Variants in MAPDA observed in about 807,000 individuals in gnomAD.
MAPDA encodes N6,N6-dimethyl-AMP deaminase.
At chr15:43,342,449 A>T in the MAPDA span, among the ~76,000 whole-genome samples, 2 of 148,468 alleles carry the variant, frequency 1.3e-5, no homozygotes, top group Non-Finnish European at 1.5e-5. Flanking sequence ...TCCCTTTTAA[A>T]AAAAAAAAAA....
chr15:43,336,737 CCTT>C, the MAPDA span: 2 of 1,397,230 alleles, frequency 1.4e-6, no homozygotes, highest in Non-Finnish European at 1.9e-6. Context: ...GAAGTAATTT[CCTT>C]CCATTATTGC....
At chr15:43,353,845 A>C in the MAPDA span, 1 of 152,268 alleles carries the variant, frequency 6.6e-6, no homozygotes, top group Non-Finnish European at 1.5e-5. Context: ...TGCTCTATCC[A>C]TTTCTTCATC....
chr15:43,335,100 C>T, the MAPDA span: 1 of 1,610,594 alleles, frequency 6.2e-7, no homozygotes, highest in Middle Eastern at 1.7e-4. Context: ...CATTTTTTTC[C>T]TGCTAAAATG....
the MAPDA span, among the ~76,000 whole-genome samples, chr15:43,338,172 G>C: frequency 6.6e-6 from 1 of 152,226 alleles, no homozygotes; most frequent in Admixed American, 6.5e-5. Flanking sequence ...TTTATTAAAT[G>C]AAGTGAGAAG....
the MAPDA span, chr15:43,336,757 C>A: frequency 7.8e-7 from 1 of 1,275,486 alleles, no homozygotes; most frequent in Non-Finnish European, 1.1e-6. Context: ...TTGCACATGG[C>A]CTTTCATTTT....
the MAPDA span, chr15:43,343,209 G>A: frequency 1.7e-6 from 1 of 585,214 alleles, no homozygotes; most frequent in Admixed American, 4.2e-5. Flanking sequence ...TAAAATCAAG[G>A]ACCCTGTTGT....
the MAPDA span, chr15:43,350,891 A>G: frequency 7.1e-7 from 1 of 1,404,392 alleles, no homozygotes; most frequent in African/African-American, 1.4e-5. Flanking sequence ...ACACTGAATG[A>G]GTTCACTTAT....
At chr15:43,348,552 T>C in the MAPDA span, among the ~76,000 whole-genome samples, 2,234 of 152,340 alleles carry the variant, frequency 0.015, 21 homozygotes, top group Non-Finnish European at 0.024. Flanking sequence ...AACACACATA[T>C]ACATATGGAG....
At chr15:43,344,609 G>A in the MAPDA span, among the ~76,000 whole-genome samples, 1 of 151,974 alleles carries the variant, frequency 6.6e-6, no homozygotes, top group Non-Finnish European at 1.5e-5. Context: ...AGGAGTTGGA[G>A]ACCACCCTGG....
chr15:43,337,378 A>G, the MAPDA span, among the ~76,000 whole-genome samples: 4 of 152,134 alleles, frequency 2.6e-5, no homozygotes, highest in African/African-American at 7.2e-5. Context: ...ATGGGTGGAC[A>G]TTATAGAGAA....
chr15:43,352,147 G>A, the MAPDA span: 2 of 430,166 alleles, frequency 4.6e-6, no homozygotes, highest in Non-Finnish European at 4.0e-6. Context: ...TACTGGGTGG[G>A]ACTTGACTGT....
At chr15:43,334,633 T>TTATATATATATATATATATATA in the MAPDA span, among the ~76,000 whole-genome samples, 2,624 of 64,396 alleles carry the variant, frequency 0.041, 299 homozygotes, top group Non-Finnish European at 0.076. Context: ...CTCAAAAAAA[T>TTATATATATATATATATATATA]TATATATATA....
At chr15:43,336,291 C>T in the MAPDA span, among the ~76,000 whole-genome samples, 37 of 152,112 alleles carry the variant, frequency 2.4e-4, no homozygotes, top group Non-Finnish European at 4.6e-4. Flanking sequence ...GCTATCCACT[C>T]GCCTTGGCTT....
chr15:43,345,150 C>T, the MAPDA span, among the ~76,000 whole-genome samples: 3 of 151,986 alleles, frequency 2.0e-5, no homozygotes, highest in Non-Finnish European at 4.4e-5. Context: ...GTCAGGAGAT[C>T]GAGACCATCT....
the MAPDA span, among the ~76,000 whole-genome samples, chr15:43,344,368 T>TG: frequency 6.6e-6 from 1 of 151,482 alleles, no homozygotes. Flanking sequence ...AGTTGCTAAG[T>TG]GAAAAAAAAA....
chr15:43,345,607 A>C, the MAPDA span, among the ~76,000 whole-genome samples: 5 of 152,334 alleles, frequency 3.3e-5, no homozygotes, highest in East Asian at 5.8e-4. Flanking sequence ...AAACAAATAC[A>C]GGAACAAAAA....
chr15:43,348,857 T>C, the MAPDA span: 1 of 1,585,240 alleles, frequency 6.3e-7, no homozygotes, highest in Non-Finnish European at 8.6e-7. Flanking sequence ...AAAATACTCT[T>C]AAGAACCACT....
At chr15:43,340,356 G>C in the MAPDA span, 2 of 1,611,086 alleles carry the variant, frequency 1.2e-6, no homozygotes, top group East Asian at 4.5e-5. Context: ...GCTACTGGTA[G>C]AATTTATACT....
At chr15:43,343,369 G>A in the MAPDA span, among the ~76,000 whole-genome samples, 1 of 152,194 alleles carries the variant, frequency 6.6e-6, no homozygotes, top group South Asian at 2.1e-4. Flanking sequence ...GGCTGCCTCT[G>A]TTACTTCAGC....
Sources: gnomAD v4.1 joint callset for allele counts (sites outside exome capture counted in the v4.1 genomes callset) on GRCh38, gnomAD v4.1.1 for gene constraint, MANE v1.5 for transcripts, NCBI Gene and HGNC (gene_info 2026-07-23, HGNC 2026-07-21) for gene names.